The following COLGALT2 variants were observed in gnomAD, a reference collection of about 807,000 sequenced individuals.
COLGALT2 encodes the protein collagen beta(1-O)galactosyltransferase 2.
Under a neutral mutation model 73.4 loss-of-function variants are expected in COLGALT2, and 49 were observed. The ratio of observed to expected loss-of-function variants is 0.67; its 90% CI spans 0.53 to 0.85. The LOEUF (loss-of-function observed/expected upper bound fraction) is 0.85. Ranked by LOEUF, COLGALT2 falls within the 40% of genes least tolerant of loss-of-function variation. The probability of loss-of-function intolerance (pLI) is 0.00; values close to 1 mark genes in which losing one functional copy is unlikely to be tolerated. For synonymous variants in COLGALT2, 295 were observed against 307.6 expected, an observed-to-expected ratio of 0.96 and a Z score of 0.43; for missense variants, 722 against 790.2, an observed-to-expected ratio of 0.91 and a Z score of 1.03.
intron 5 of COLGALT2, 59 bp downstream of exon 5, chr1:183,969,210 A>C: frequency 7.1e-7 from 1 of 1,405,520 alleles, no homozygotes; most frequent in Non-Finnish European, 9.7e-7. Flanking sequence ...CACAAAACAA[A>C]GGAGCTGGTC....
rs1178901404 is a variant in COLGALT2, at chr1:183,938,003, G to A, written c.*758C>T. On this transcript the variant is annotated 3_prime_UTR_variant, in exon 12 of 12. Transcript: ENST00000361927. ...CTTTATAAATAGAGCATCCTGACTCGAGTGGCCATAATAAAAAAGCCAAAC... is the reference window on the plus strand; with the variant it reads ...CTTTATAAATAGAGCATCCTGACTCAAGTGGCCATAATAAAAAAGCCAAAC... 1.4e-5 allele frequency: 14 copies of A among 985,190 alleles called. No individual in the cohort carries two copies. Among genetic ancestry groups the A allele is most frequent in the African/African-American group, 3.5e-5 (2 of 57,180 alleles). 61.0% of individuals were successfully genotyped at this position (985,190 alleles called of 1,614,324 possible). A position where few individuals can be genotyped will look rare whatever the true frequency, so the allele number is the denominator to read the frequency against.
chr1:183,956,948 G>C (rs944517580), intron 6 of COLGALT2, among the ~76,000 whole-genome samples: 1 of 152,090 alleles, frequency 6.6e-6, no homozygotes, highest in Admixed American at 6.5e-5. Flanking sequence ...GTATATCCTG[G>C]CTTCTGTTTG....
intron 5 of COLGALT2, among the ~76,000 whole-genome samples, chr1:183,966,653 C>T (rs1042540733): frequency 6.6e-6 from 1 of 152,240 alleles, no homozygotes; most frequent in East Asian, 1.9e-4. Flanking sequence ...ATATCACTCA[C>T]CTCTTTTGAC....
intron 1 of COLGALT2, among the ~76,000 whole-genome samples, chr1:184,035,712 C>T (rs948531404): frequency 6.6e-6 from 1 of 152,096 alleles, no homozygotes; most frequent in Non-Finnish European, 1.5e-5. Flanking sequence ...TAAAATATCT[C>T]TTAAAAAAAA....
In COLGALT2 at chr1:183,975,464, T is replaced by C. The variant is rs185264511; in HGVS notation, c.375-250A>G. 2.6e-3 allele frequency among the ~76,000 whole-genome samples: 402 copies of C among 152,268 alleles called. 2 individuals carry two copies. Among genetic ancestry groups the C allele is most frequent in the African/African-American group, 9.1e-3 (377 of 41,556 alleles). ...GGGTTCTAATGAGAGCCCTTTGAGG[T>C]GAGTACTGCTATTCTCTGCATTTCA... On this transcript the variant is annotated intron_variant, in intron 2 of 11. Transcript: ENST00000361927.
chr1:183,967,591 C>G (rs985139768), intron 5 of COLGALT2, among the ~76,000 whole-genome samples: 1 of 152,178 alleles, frequency 6.6e-6, no homozygotes, highest in Non-Finnish European at 1.5e-5. Flanking sequence ...TACAATGTAT[C>G]ATAATAATTT....
At chr1:183,934,544 C>T (rs1255368371), downstream of COLGALT2, among the ~76,000 whole-genome samples, 1 of 152,208 alleles carries the variant, frequency 6.6e-6, no homozygotes, top group Non-Finnish European at 1.5e-5. Flanking sequence ...CGTGTCACCC[C>T]TTACATGCTA....
intron 6 of COLGALT2, among the ~76,000 whole-genome samples, chr1:183,955,042 G>C (rs981271563): frequency 3.3e-5 from 5 of 152,170 alleles, no homozygotes; most frequent in African/African-American, 1.2e-4. Flanking sequence ...TGATTATATG[G>C]AGATTGCAAC....
intron 1 of COLGALT2, among the ~76,000 whole-genome samples, chr1:184,008,550 G>A (rs952590365): frequency 9.9e-5 from 15 of 152,050 alleles, no homozygotes; most frequent in African/African-American, 3.6e-4. Flanking sequence ...AGCACATATT[G>A]AGAACCCCAC....
At chr1:184,032,580 T>C in intron 1 of COLGALT2, among the ~76,000 whole-genome samples, 1 of 152,104 alleles carries the variant, frequency 6.6e-6, no homozygotes. Flanking sequence ...CACGCTAAAC[T>C]ACCAGATTGG....
At chr1:183,975,874 T>C (rs1286827832) in intron 2 of COLGALT2, among the ~76,000 whole-genome samples, 1 of 152,230 alleles carries the variant, frequency 6.6e-6, no homozygotes, top group African/African-American at 2.4e-5. Context: ...ACATTGATAC[T>C]GTTGCAGTAA....
intron 1 of COLGALT2, among the ~76,000 whole-genome samples, chr1:184,007,155 A>G (rs750290982): frequency 1.3e-5 from 2 of 152,228 alleles, no homozygotes; most frequent in Non-Finnish European, 2.9e-5. Context: ...AGCAGAGCAC[A>G]ATGCAATGCT....
chr1:184,019,642 G>A (rs920506678), intron 1 of COLGALT2, among the ~76,000 whole-genome samples: 9 of 152,166 alleles, frequency 5.9e-5, no homozygotes, highest in Admixed American at 5.2e-4. Context: ...CCATTGTTGA[G>A]ACTCAGAACT....
At chr1:183,987,049 CA>C (rs59990920) in intron 1 of COLGALT2, among the ~76,000 whole-genome samples, 11,865 of 151,954 alleles carry the variant, frequency 0.078, 821 homozygotes, top group East Asian at 0.41. Context: ...AATGCTCTAG[CA>C]AAAAAACAAA....
Position 183,974,903 on chromosome 1 carries a change from T to G in COLGALT2, c.492+194A>C, listed in dbSNP as rs544175521. ...TTCACTTACCCACTGAAAATGCATG[T>G]GGGCCTGAAGATGAAGTCCAGGTAG... On this transcript the variant is annotated intron_variant, in intron 3 of 11. Coordinates refer to ENST00000361927, the MANE Select transcript of COLGALT2 (RefSeq NM_015101.4). Among the ~76,000 whole-genome samples the G allele has an allele frequency of 2.6e-5, 4 of 152,308 alleles. No individual in the cohort carries two copies. The East Asian group carries it at 7.7e-4, about 29-fold the overall frequency.
chr1:183,939,103 G>A, intron 11 of COLGALT2, 66 bp from the exon 12 acceptor site: 1 of 1,196,794 alleles, frequency 8.4e-7, no homozygotes, highest in Admixed American at 2.0e-5. Context: ...CAGGGACAAA[G>A]AGTGAAGGAG....
intron 7 of COLGALT2, among the ~76,000 whole-genome samples, chr1:183,952,348 G>A (rs763885457): frequency 3.9e-5 from 6 of 152,168 alleles, no homozygotes; most frequent in Non-Finnish European, 8.8e-5. Flanking sequence ...GGATGACTTT[G>A]AGGAGACATT....
intron 6 of COLGALT2, among the ~76,000 whole-genome samples, chr1:183,956,321 T>C (rs964368080): frequency 3.7e-4 from 56 of 152,224 alleles, no homozygotes; most frequent in Non-Finnish European, 4.9e-4. Context: ...AGAGCTGGTC[T>C]CATTACTTCA....
intron 1 of COLGALT2, among the ~76,000 whole-genome samples, chr1:184,028,160 A>C (rs1375543367): frequency 2.6e-5 from 4 of 152,190 alleles, no homozygotes; most frequent in African/African-American, 4.8e-5. Flanking sequence ...ACAGTCTATT[A>C]GTCCAGCAAG....
Sources: gnomAD v4.1 joint callset for allele counts (sites outside exome capture counted in the v4.1 genomes callset) on GRCh38, gnomAD v4.1.1 for gene constraint, MANE v1.5 for transcripts, NCBI Gene and HGNC (gene_info 2026-07-23, HGNC 2026-07-21) for gene names.